The following CWH43 variants were observed in gnomAD, a reference collection of about 807,000 sequenced individuals.
The protein encoded by CWH43 is cell wall biogenesis 43 C-terminal homolog.
Under a neutral mutation model 85.7 loss-of-function variants are expected in CWH43, and 91 were observed. The observed-to-expected ratio is 1.06, with a 90% CI of 0.90 to 1.26. The LOEUF is 1.26. Ranked by LOEUF, CWH43 falls within the 50% of genes most tolerant of loss-of-function variation. CWH43 has a pLI of 0.00. For synonymous variants in CWH43, 323 were observed against 293.6 expected (o/e 1.10, Z -1.02); for missense variants, 869 against 839.2 (o/e 1.04, Z -0.44).
intron 4 of CWH43, among the ~76,000 whole-genome samples, chr4:48,993,857 C>T (rs767099150): frequency 2.2e-4 from 33 of 152,172 alleles, no homozygotes; most frequent in South Asian, 4.1e-4. Flanking sequence ...CAGGTTCAAG[C>T]GATTCTCCTG....
At position 49,030,963 on chromosome 4, in the gene CWH43, G is replaced by A. The variant is rs765409287; in HGVS notation, c.1508+3G>A. 1.9e-6 allele frequency: 3 copies of A among 1,578,194 alleles called. No homozygotes were observed. Among genetic ancestry groups the A allele is most frequent in the African/African-American group, 1.4e-5 (1 of 72,556 alleles). ...AGCACAAGGTATCACACTTGGGGGTGAGTATACCTTGGGAGTTAATCCCGA... is the reference window on the plus strand; with the variant it reads ...AGCACAAGGTATCACACTTGGGGGTAAGTATACCTTGGGAGTTAATCCCGA... On this transcript the variant is annotated splice_donor_region_variant and intron_variant, in intron 11 of 15. Transcript: ENST00000226432.
At chr4:49,011,322 T>C (rs1490880695) in intron 8 of CWH43, among the ~76,000 whole-genome samples, 1 of 152,148 alleles carries the variant, frequency 6.6e-6, no homozygotes, top group Non-Finnish European at 1.5e-5. Flanking sequence ...TTGCTTTCCA[T>C]TTGCTTGGTA....
intron 8 of CWH43, among the ~76,000 whole-genome samples, chr4:49,007,813 A>G (rs1158941258): frequency 4.6e-5 from 7 of 152,160 alleles, no homozygotes; most frequent in Admixed American, 6.5e-5. Flanking sequence ...CTCATTTTTT[A>G]TGGCTGCCTA....
chr4:49,022,191 T>C (rs1467388728), intron 9 of CWH43, among the ~76,000 whole-genome samples: 1 of 152,222 alleles, frequency 6.6e-6, no homozygotes, highest in East Asian at 1.9e-4. Context: ...GGGTTTATAA[T>C]AAATGGCTTT....
At chr4:49,050,499 T>C (rs776451487) in intron 14 of CWH43, among the ~76,000 whole-genome samples, 195 bp from the exon 15 acceptor site, 6 of 152,240 alleles carry the variant, frequency 3.9e-5, no homozygotes, top group Non-Finnish European at 8.8e-5. Context: ...ATGTACATAT[T>C]CTTTATTCAT....
intron 13 of CWH43, among the ~76,000 whole-genome samples, chr4:49,042,720 T>C (rs568259296): frequency 6.6e-6 from 1 of 152,254 alleles, no homozygotes; most frequent in East Asian, 1.9e-4. Flanking sequence ...AATGTGGCTA[T>C]CATGGGGGTG....
At chr4:49,005,697 T>C (rs1391485534) in intron 7 of CWH43, among the ~76,000 whole-genome samples, 2 of 151,636 alleles carry the variant, frequency 1.3e-5, no homozygotes, top group African/African-American at 4.8e-5. Flanking sequence ...CACACCACCA[T>C]GCCTGGCTGA....
At chr4:49,041,147 C>A (rs1341451839) in intron 13 of CWH43, among the ~76,000 whole-genome samples, 3 of 152,088 alleles carry the variant, frequency 2.0e-5, no homozygotes, top group Admixed American at 6.6e-5. Context: ...GTTACTGTAG[C>A]CTTGTAGTAT....
intron 5 of CWH43, 93 bp from the exon 6 acceptor site, chr4:48,998,367 G>A (rs927565232): frequency 2.1e-6 from 2 of 957,094 alleles, no homozygotes; most frequent in East Asian, 2.4e-5. Flanking sequence ...TCTCTTATAT[G>A]TACCCAGAGG....
rs542372044 is a variant in CWH43, at chr4:49,043,593, CA to C, written c.1804-1192del. On this transcript the variant is annotated intron_variant, in intron 13 of 15. Coordinates refer to ENST00000226432, the MANE Select transcript of CWH43 (RefSeq NM_025087.3). ...TTTTAATCATCAATGCTTGGATGAA[CA>C]GATTTTTCTCTTAAAGAAATGAGTA... is the stretch of plus-strand genomic sequence containing the variant. Among the ~76,000 whole-genome samples, 141 of 152,238 alleles carry C rather than the reference CA, an allele frequency of 9.3e-4. 1 individual carries two copies. Among genetic ancestry groups the C allele is most frequent in the Non-Finnish European group, 1.9e-3 (129 of 68,004 alleles).
chr4:49,056,008 G>A (rs1222957624), intron 15 of CWH43, among the ~76,000 whole-genome samples: 1 of 146,328 alleles, frequency 6.8e-6, no homozygotes, highest in Non-Finnish European at 1.5e-5. Flanking sequence ...CTGGTGCGCT[G>A]CACCCACTAC....
intron 11 of CWH43, among the ~76,000 whole-genome samples, chr4:49,032,335 C>T (rs1383838619): frequency 2.0e-5 from 3 of 152,134 alleles, no homozygotes; most frequent in Non-Finnish European, 4.4e-5. Context: ...GTCCATAGCA[C>T]TTATTAAAAC....
At chr4:49,042,753 AT>A (rs1784504310) in intron 13 of CWH43, among the ~76,000 whole-genome samples, 1 of 152,182 alleles carries the variant, frequency 6.6e-6, no homozygotes, top group South Asian at 2.1e-4. Flanking sequence ...GAGAAGACAG[AT>A]TATTTCAGGA....
At chr4:49,055,806 T>A (rs1159108125) in intron 15 of CWH43, among the ~76,000 whole-genome samples, 1 of 152,072 alleles carries the variant, frequency 6.6e-6, no homozygotes, top group Non-Finnish European at 1.5e-5. Flanking sequence ...GCCAGGCTGG[T>A]CTTTGGTCTT....
chr4:49,048,504 ATTTTC>A (rs1784700348), intron 14 of CWH43, among the ~76,000 whole-genome samples: 1 of 152,032 alleles, frequency 6.6e-6, no homozygotes, highest in South Asian at 2.1e-4. Flanking sequence ...ACAGAAATTA[ATTTTC>A]TTGCAGTTCT....
At chr4:49,039,726 T>C (rs917203709) in intron 13 of CWH43, among the ~76,000 whole-genome samples, 29 of 151,882 alleles carry the variant, frequency 1.9e-4, no homozygotes, top group Admixed American at 6.6e-4. Flanking sequence ...TGTATTTCTT[T>C]TTTTTTCTGA....
rs150776717 is a variant in CWH43, at chr4:49,030,336, T to G, written c.1373-489T>G. Among the ~76,000 whole-genome samples the G allele has an allele frequency of 8.4e-3, 1,282 of 152,316 alleles. 3 individuals are homozygous for G. Among genetic ancestry groups the G allele is most frequent in the African/African-American group, 0.015 (629 of 41,570 alleles). On this transcript the variant is annotated intron_variant, in intron 10 of 15. Transcript: ENST00000226432. The stretch of plus-strand genomic sequence containing the variant: ...TGAGACATATGAGTGTCTATATGGA[T>G]GTAATACCACTAAGACATTTTTTTG...
intron 7 of CWH43, 59 bp from the exon 8 acceptor site, chr4:49,007,142 C>A: frequency 6.5e-7 from 1 of 1,535,790 alleles, no homozygotes; most frequent in Non-Finnish European, 8.7e-7. Context: ...TGCTGGAATA[C>A]AACATTGGAA....
chr4:49,026,120 A>G (rs2768976), intron 9 of CWH43, among the ~76,000 whole-genome samples: 92,406 of 152,006 alleles, frequency 0.61, 30,690 homozygotes, highest in Middle Eastern at 0.79. Flanking sequence ...AGGTTTCCAG[A>G]GAAGTGGGAG....
Sources: gnomAD v4.1 joint callset for allele counts (sites outside exome capture counted in the v4.1 genomes callset) on GRCh38, gnomAD v4.1.1 for gene constraint, MANE v1.5 for transcripts, NCBI Gene and HGNC (gene_info 2026-07-23, HGNC 2026-07-21) for gene names.